GANC: variants seen among roughly 807,000 people sequenced by gnomAD.
GANC encodes neutral alpha-glucosidase C.
In GANC, 117 loss-of-function variants were observed where a neutral mutation model predicts 124.2. The observed-to-expected ratio is 0.94, with a 90% CI of 0.81 to 1.10. The LOEUF (loss-of-function observed/expected upper bound fraction) is 1.10, where lower values mean the gene tolerates loss of function less well. Ranked by LOEUF, GANC falls within the 50% of genes least tolerant of loss-of-function variation. GANC has a pLI of 0.00. For missense variants in GANC, 1,140 were observed against 1,095.0 expected (o/e 1.04, Z -0.58); for synonymous variants, 377 against 376.8 (o/e 1.00, Z -0.01).
In GANC at chr15:42,352,045, C is replaced by T; in HGVS notation, c.2651C>T (p.Pro884Leu). The T allele has an allele frequency of 6.2e-7, 1 of 1,614,120 alleles. No individual in the cohort carries two copies. The highest frequency in any genetic ancestry group is 1.1e-5 in the South Asian group (1 of 91,082). The change falls in exon 24 of 24, where the codon CCT becomes CTT. Residue 884 changes from proline to leucine, a missense_variant. Transcript: ENST00000318010. Reference protein sequence around the residue: ...TTHSSDGKDQPVAFTYCAKTS... With the variant: ...TTHSSDGKDQLVAFTYCAKTS... ...TGCTATTTAGATGGTAAAGATCAGC[C>T]TGTGGCTTTTACGTATTGTGCCAAA... is the stretch of plus-strand genomic sequence containing the variant.
At position 42,297,639 on chromosome 15, in the gene GANC, T is replaced by C; in HGVS notation, c.541T>C (p.Ser181Pro). 6.2e-7 allele frequency: 1 copy of C among 1,611,894 alleles called. No homozygotes were observed. The highest frequency in any genetic ancestry group is 8.5e-7 in the Non-Finnish European group (1 of 1,178,378). Reference protein sequence around the residue: ...RAAKENEEETSVDTSQENQED... With the variant: ...RAAKENEEETPVDTSQENQED... ...TGCTAAAGAAAATGAGGAGGAGACA[T>C]CAGTGGACACCTCTCAGGTAATCTA... The change falls in exon 6 of 24, where the codon TCA becomes CCA. Residue 181 changes from serine (S) to proline (P), a missense_variant. Ser to Pro is a moderately conservative substitution (Grantham distance 74, BLOSUM62 -1). Coordinates refer to ENST00000318010, the MANE Select transcript of GANC (RefSeq NM_198141.3).
At position 42,348,210 on chromosome 15, in the gene GANC, C is replaced by CGCTT. The variant is rs1462601903; in HGVS notation, c.2412_2413insGCTT (p.Thr805AlafsTer3). On this transcript the variant is annotated frameshift_variant, in exon 21 of 24. Transcript: ENST00000318010. LOFTEE classifies it high-confidence loss of function. ...CCTATGGACTCCGGGTTGCTCTAAG[C>CGCTT]ACTAAGGTATTTGGTAAATCTGTTA... The CGCTT allele has an allele frequency of 6.3e-7, 1 of 1,597,802 alleles. No homozygotes were observed. Among genetic ancestry groups the CGCTT allele is most frequent in the Admixed American group, 1.7e-5 (1 of 59,370 alleles).
chr15:42,323,607 A>G (rs533145927), intron 11 of GANC, among the ~76,000 whole-genome samples: 2 of 152,100 alleles, frequency 1.3e-5, no homozygotes, highest in South Asian at 2.1e-4. Flanking sequence ...GGTTCATGCA[A>G]TTCTCCTGCC....
chr15:42,321,782 T>C lies in GANC; in HGVS notation c.1058-3T>C, dbSNP rs1422223045. 1 of 1,613,640 alleles carries C rather than the reference T, an allele frequency of 6.2e-7. No individual in the cohort carries two copies. Among genetic ancestry groups the C allele is most frequent in the African/African-American group, 1.3e-5 (1 of 74,936 alleles). ...TGACTCAGTTGTCATCTCCCTCTTT[T>C]AGGCACACAAGCCATGCCCCCTCTT... is the stretch of plus-strand genomic sequence containing the variant. On this transcript the variant is annotated splice_polypyrimidine_tract_variant and splice_region_variant and intron_variant, in intron 10 of 23. Transcript: ENST00000318010.
At position 42,348,094 on chromosome 15, in the gene GANC, C is replaced by CT; in HGVS notation, c.2305-8dup. The CT allele has an allele frequency of 6.5e-7, 1 of 1,531,498 alleles. No individual in the cohort carries two copies. Among genetic ancestry groups the CT allele is most frequent in the Non-Finnish European group, 9.0e-7 (1 of 1,114,574 alleles). 94.9% of individuals were successfully genotyped at this position (1,531,498 alleles called of 1,614,324 possible). A position where few individuals can be genotyped will look rare whatever the true frequency, so the allele number is the denominator to read the frequency against. On this transcript the variant is annotated splice_polypyrimidine_tract_variant and intron_variant, in intron 20 of 23. Coordinates refer to ENST00000318010, the MANE Select transcript of GANC (RefSeq NM_198141.3). Reference sequence around the variant, plus strand: ...ATACTGCTTCCCTGAGCGTGCTGCTCTGTTACAGATTCCAGTGTTTCAGCG... The same window carrying CT: ...ATACTGCTTCCCTGAGCGTGCTGCTCTTGTTACAGATTCCAGTGTTTCAGCG...
At chr15:42,329,198 A>T (rs1012972320) in intron 13 of GANC, 108 bp from the exon 14 acceptor site, 9 of 1,115,972 alleles carry the variant, frequency 8.1e-6, no homozygotes, top group Non-Finnish European at 1.2e-5. Flanking sequence ...GGAGCAGAGG[A>T]CAGAGCATAG....
rs543258176 is a variant in GANC, at chr15:42,300,296, T to C, written c.558+2640T>C. Among the ~76,000 whole-genome samples the C allele has an allele frequency of 5.3e-5, 8 of 152,164 alleles. No homozygotes were observed. In the South Asian group the frequency reaches 1.7e-3, roughly 32 times the overall value. On this transcript the variant is annotated intron_variant, in intron 6 of 23. Coordinates refer to ENST00000318010, the MANE Select transcript of GANC (RefSeq NM_198141.3). ...ACCCCATCAAAACATAGGCAAAGGA[T>C]ATGAACAGACACTTCTCAAAAGAAG... is the stretch of plus-strand genomic sequence containing the variant.
intron 3 of GANC, among the ~76,000 whole-genome samples, chr15:42,281,883 GTC>G (rs1375048890): frequency 6.6e-6 from 1 of 151,958 alleles, no homozygotes; most frequent in African/African-American, 2.4e-5. Context: ...TTGAGAAACG[GTC>G]TCTTTTAAAT....
At chr15:42,303,858 G>A (rs2051970054) in intron 6 of GANC, among the ~76,000 whole-genome samples, 1 of 152,080 alleles carries the variant, frequency 6.6e-6, no homozygotes, top group Non-Finnish European at 1.5e-5. Flanking sequence ...CATAAAGCAA[G>A]TTCTTAGAGA....
In GANC at chr15:42,310,234, A is replaced by G. The variant is rs199618794; in HGVS notation, c.723-49A>G. The G allele has an allele frequency of 2.9e-5, 39 of 1,343,172 alleles. No individual in the cohort carries two copies. In the East Asian group the frequency reaches 5.7e-4, roughly 20 times the overall value. The allele number at this position is 1,343,172 out of a possible 1,614,324, so 83.2% of individuals were successfully genotyped here. A position where few individuals can be genotyped will look rare whatever the true frequency, so the allele number is the denominator to read the frequency against. On this transcript the variant is annotated intron_variant, in intron 8 of 23. Transcript: ENST00000318010. ...GAGTAGAGCTGTTCTATTTATTAAT[A>G]TTAATAATATATTTGTGATGGTAAT...
In GANC at chr15:42,340,754, G is replaced by A; in HGVS notation, c.2152G>A (p.Gly718Arg). ...TFDMEDEYML[G>R]SALLVHPVTE... The stretch of plus-strand genomic sequence containing the variant: ...TGATATGGAAGATGAATACATGCTG[G>A]GTGAGCATTTCTGTTTTTTTTTTTT... Residue 718 changes from glycine (G) to arginine (R), a missense_variant and splice_region_variant, in exon 18 of 24, where the codon GGG (glycine) becomes AGG (arginine). Coordinates refer to ENST00000318010, the MANE Select transcript of GANC (RefSeq NM_198141.3). The A allele has an allele frequency of 6.3e-7, 1 of 1,596,576 alleles. No individual in the cohort carries two copies. The highest frequency in any genetic ancestry group is 2.2e-5 in the East Asian group (1 of 44,818).
In GANC at chr15:42,298,684, TC is replaced by T. The variant is rs575330348; in HGVS notation, c.558+1030del. On this transcript the variant is annotated intron_variant, in intron 6 of 23. Transcript: ENST00000318010. ...GAGCACTTTTCACAATATTGATTCT[TC>T]CTATCCATGAGGATGGAATGTTTTA... Among the ~76,000 whole-genome samples the T allele has an allele frequency of 1.9e-3, 288 of 152,362 alleles. 4 individuals carry two copies. The highest frequency in any genetic ancestry group is 6.4e-3 in the African/African-American group (267 of 41,584).
In GANC at chr15:42,294,488, T is replaced by C. The variant is rs534847904; in HGVS notation, c.512+1571T>C. On this transcript the variant is annotated intron_variant, in intron 5 of 23. Coordinates refer to ENST00000318010, the MANE Select transcript of GANC (RefSeq NM_198141.3). ...TACTCAAGAGGCTGAGGCAGAAGAA[T>C]CTCTTGAACCCAGGAGGTGGAGGTT... Among the ~76,000 whole-genome samples the C allele has an allele frequency of 1.2e-3, 176 of 148,482 alleles. 10 individuals are homozygous for C. The highest frequency in any genetic ancestry group is 4.4e-3 in the African/African-American group (174 of 39,460).
intron 15 of GANC, among the ~76,000 whole-genome samples, chr15:42,334,594 T>G (rs2052270029): frequency 6.6e-6 from 1 of 152,054 alleles, no homozygotes; most frequent in Non-Finnish European, 1.5e-5. Context: ...TTCAAAGACA[T>G]TGGTAAGAAA....
chr15:42,284,953 C>T (rs1214809261), intron 3 of GANC, among the ~76,000 whole-genome samples: 1 of 152,106 alleles, frequency 6.6e-6, no homozygotes, highest in Non-Finnish European at 1.5e-5. Context: ...AGGATTAATA[C>T]TAGATTCTCA....
chr15:42,350,075 G>A (rs1000462454), intron 22 of GANC, among the ~76,000 whole-genome samples: 6 of 120,098 alleles, frequency 5.0e-5, no homozygotes, highest in African/African-American at 1.9e-4. Context: ...TTATTGCCCA[G>A]GCTGGAGTGC....
rs531170362 is a variant in GANC, at chr15:42,353,393, G to T, written c.*1254G>T. The T allele has an allele frequency of 1.0e-6, 1 of 979,652 alleles. No individual in the cohort carries two copies. Among genetic ancestry groups the T allele is most frequent in the Non-Finnish European group, 1.2e-6 (1 of 824,436 alleles). The allele number at this position is 979,652 out of a possible 1,614,324, so 60.7% of individuals were successfully genotyped here. On this transcript the variant is annotated 3_prime_UTR_variant, in exon 24 of 24. Coordinates refer to ENST00000318010, the MANE Select transcript of GANC (RefSeq NM_198141.3). ...CCACTTTCCCATGAAGCCTAACTGC[G>T]TGAACACCCCTACCCCCATACCCAT...
chr15:42,304,986 A>C (rs1438480414), intron 6 of GANC, among the ~76,000 whole-genome samples: 1 of 152,242 alleles, frequency 6.6e-6, no homozygotes, highest in African/African-American at 2.4e-5. Flanking sequence ...CTTAAACATA[A>C]GATCTAAAAC....
At chr15:42,298,146 C>T (rs1435588436) in intron 6 of GANC, among the ~76,000 whole-genome samples, 4 of 151,988 alleles carry the variant, frequency 2.6e-5, no homozygotes, top group Non-Finnish European at 5.9e-5. Flanking sequence ...GTTGTATATA[C>T]ACAAGTCAAA....
Sources: allele counts gnomAD v4.1 joint callset (sites outside exome capture counted in the v4.1 genomes callset), GRCh38; gene constraint gnomAD v4.1.1; transcripts MANE v1.5; gene names NCBI Gene and HGNC (gene_info 2026-07-23, HGNC 2026-07-21).